The following FSTL5 variants were observed in gnomAD, a reference collection of about 807,000 sequenced individuals.
FSTL5 encodes the protein follistatin-related protein 5.
In FSTL5, 62 loss-of-function variants were observed where a neutral mutation model predicts 89.1. The observed-to-expected ratio is 0.70, with a 90% confidence interval of 0.57 to 0.86. The LOEUF (loss-of-function observed/expected upper bound fraction) is 0.86. Among genes scored for constraint, FSTL5 ranks in the 40% least tolerant of loss-of-function variants. FSTL5 has a pLI of 0.00. For missense variants in FSTL5, 1,057 were observed against 1,001.6 expected (o/e 1.06, Z -0.75); for synonymous variants, 383 against 346.2 (o/e 1.11, Z -1.18).
chr4:161,564,627 T>C (rs1732735507), intron 8 of FSTL5, among the ~76,000 whole-genome samples: 1 of 151,620 alleles, frequency 6.6e-6, no homozygotes, highest in African/African-American at 2.4e-5. Flanking sequence ...AAAATGATAC[T>C]TATAATCTTT....
intron 7 of FSTL5, among the ~76,000 whole-genome samples, chr4:161,617,005 T>A (rs1423599716): frequency 6.6e-6 from 1 of 151,318 alleles, no homozygotes; most frequent in Admixed American, 6.6e-5. Flanking sequence ...TATTTGTCAA[T>A]AAAAACTTAA....
chr4:162,147,498 A>T (rs1733048633), intron 1 of FSTL5, among the ~76,000 whole-genome samples: 1 of 152,176 alleles, frequency 6.6e-6, no homozygotes, highest in African/African-American at 2.4e-5. Context: ...AAGCAGTAAG[A>T]TTTATTTGTA....
At chr4:162,033,256 A>G in intron 3 of FSTL5, among the ~76,000 whole-genome samples, 1 of 152,162 alleles carries the variant, frequency 6.6e-6, no homozygotes, top group East Asian at 1.9e-4. Flanking sequence ...CAGTGACTAA[A>G]TAGTTGGGTC....
chr4:161,686,935 T>G (rs960541371), intron 6 of FSTL5, among the ~76,000 whole-genome samples: 1 of 152,166 alleles, frequency 6.6e-6, no homozygotes, highest in African/African-American at 2.4e-5. Context: ...AATTTTTAAT[T>G]TAACAAACTG....
chr4:161,424,881 C>T (rs749145912), intron 15 of FSTL5, among the ~76,000 whole-genome samples: 4 of 152,194 alleles, frequency 2.6e-5, no homozygotes, highest in Non-Finnish European at 5.9e-5. Context: ...TAGGAGAGTC[C>T]TCTCTGCTTT....
chr4:161,746,452 G>A (rs1740206967), intron 6 of FSTL5, among the ~76,000 whole-genome samples: 2 of 152,112 alleles, frequency 1.3e-5, no homozygotes, highest in Admixed American at 6.5e-5. Flanking sequence ...ATGTTTACAA[G>A]CCAGCTCTCT....
At chr4:161,791,592 A>G (rs1729479444) in intron 4 of FSTL5, among the ~76,000 whole-genome samples, 1 of 152,168 alleles carries the variant, frequency 6.6e-6, no homozygotes, top group Non-Finnish European at 1.5e-5. Flanking sequence ...TATTTACAAT[A>G]GCACGCCGTG....
chr4:161,389,260 G>A (rs1383332029), intron 15 of FSTL5, among the ~76,000 whole-genome samples: 2 of 152,098 alleles, frequency 1.3e-5, no homozygotes, highest in Non-Finnish European at 2.9e-5. Flanking sequence ...GTATTTGTCA[G>A]AATGTGTACA....
intron 6 of FSTL5, among the ~76,000 whole-genome samples, chr4:161,741,165 A>G (rs1579060466): frequency 6.6e-6 from 1 of 152,208 alleles, no homozygotes; most frequent in Non-Finnish European, 1.5e-5. Flanking sequence ...GACCCCCACC[A>G]AAATATGTCC....
intron 13 of FSTL5, among the ~76,000 whole-genome samples, chr4:161,474,627 C>T (rs575577559): frequency 8.2e-4 from 123 of 149,956 alleles, no homozygotes; most frequent in African/African-American, 2.8e-3. Context: ...TTCACTGCAA[C>T]CTCTGCCTCC....
intron 4 of FSTL5, among the ~76,000 whole-genome samples, chr4:161,906,342 A>T (rs1263131455): frequency 2.0e-5 from 3 of 152,180 alleles, no homozygotes; most frequent in Admixed American, 1.3e-4. Context: ...CAGGGCAAGT[A>T]GTTTGGTGAA....
At chr4:162,076,746 A>G (rs570673892) in intron 2 of FSTL5, among the ~76,000 whole-genome samples, 3 of 151,932 alleles carry the variant, frequency 2.0e-5, no homozygotes, top group East Asian at 3.9e-4. Context: ...AGGGCTTCAT[A>G]TGCTCAGATG....
At chr4:161,775,426 G>T (rs1318803514) in intron 5 of FSTL5, among the ~76,000 whole-genome samples, 1 of 152,020 alleles carries the variant, frequency 6.6e-6, no homozygotes, top group African/African-American at 2.4e-5. Flanking sequence ...AGAAATATTG[G>T]AATACATCAG....
chr4:161,574,657 C>T (rs2126590993), intron 8 of FSTL5, among the ~76,000 whole-genome samples: 1 of 152,234 alleles, frequency 6.6e-6, no homozygotes, highest in African/African-American at 2.4e-5. Context: ...ATGGTGGCTT[C>T]CAGCTTCATC....
rs542044434 is a variant in FSTL5 at position 161,620,605 on chromosome 4, G to C, written c.895-33030C>G. On this transcript the variant is annotated intron_variant, in intron 7 of 15. Coordinates refer to ENST00000306100, the MANE Select transcript of FSTL5 (RefSeq NM_020116.5). ...CGAAGGGTGGAGGTTGAGATGAGCC[G>C]AGATCGCGCCATTGCACTCCAGCCT... is the stretch of plus-strand genomic sequence containing the variant. 5.7e-3 allele frequency among the ~76,000 whole-genome samples: 864 copies of C among 152,230 alleles called. 7 individuals carry two copies. The highest frequency in any genetic ancestry group is 0.01 in the Non-Finnish European group (685 of 68,028).
At chr4:161,782,740 T>G (rs1157017308) in intron 4 of FSTL5, among the ~76,000 whole-genome samples, 1 of 152,260 alleles carries the variant, frequency 6.6e-6, no homozygotes, top group Admixed American at 6.5e-5. Context: ...ACTTAAGATA[T>G]AACTTGTCAA....
chr4:161,390,715 C>T (rs1376734159), intron 15 of FSTL5, among the ~76,000 whole-genome samples: 2 of 152,054 alleles, frequency 1.3e-5, no homozygotes, highest in African/African-American at 4.8e-5. Flanking sequence ...GAGCAATGTC[C>T]TCATATGGTC....
chr4:161,620,131 T>C (rs918224591), intron 7 of FSTL5, among the ~76,000 whole-genome samples: 16 of 138,670 alleles, frequency 1.2e-4, no homozygotes, highest in African/African-American at 3.6e-4. Flanking sequence ...TAGGTGGGAA[T>C]TGAACAATGA....
chr4:161,894,913 T>C (rs529694154), intron 4 of FSTL5, among the ~76,000 whole-genome samples: 10 of 152,362 alleles, frequency 6.6e-5, no homozygotes, highest in African/African-American at 1.2e-4. Flanking sequence ...CTCTCAGCTA[T>C]ATCATACTTG....
Sources: allele counts gnomAD v4.1 joint callset (sites outside exome capture counted in the v4.1 genomes callset), GRCh38; gene constraint gnomAD v4.1.1; transcripts MANE v1.5; gene names NCBI Gene and HGNC (gene_info 2026-07-23, HGNC 2026-07-21).